The following CEP350 variants were observed in gnomAD, a reference collection of about 807,000 sequenced individuals.
CEP350 encodes the protein centrosomal protein 350.
A neutral mutation model predicts 331.8 loss-of-function variants in CEP350; 126 were observed. The ratio of observed to expected loss-of-function variants is 0.38; its 90% CI spans 0.33 to 0.44. The LOEUF is 0.44. CEP350 is among the 20% of genes least tolerant of loss of function. The pLI is 1.00. For synonymous variants in CEP350, 1,200 were observed against 1,259.5 expected, an observed-to-expected ratio of 0.95 and a Z score of 1.00; for missense variants, 3,406 against 3,634.6, an observed-to-expected ratio of 0.94 and a Z score of 1.62.
intron 37 of CEP350, among the ~76,000 whole-genome samples, chr1:180,108,689 C>A (rs1450548444): frequency 6.6e-6 from 1 of 152,078 alleles, no homozygotes; most frequent in African/African-American, 2.4e-5. Flanking sequence ...AGAGGAACAC[C>A]AATTCCATGG....
intron 4 of CEP350, 47 bp downstream of exon 4, chr1:179,990,668 T>C (rs770596942): frequency 1.9e-6 from 2 of 1,073,520 alleles, no homozygotes; most frequent in South Asian, 1.6e-5. Flanking sequence ...TAAATATAAA[T>C]TTTGACAAAA....
chr1:180,020,591 C>A lies in CEP350; in HGVS notation c.2817C>A (p.Ser939=). Residue 939 remains serine, a synonymous_variant, in exon 12 of 38, where the codon TCC becomes TCA. Transcript: ENST00000367607. The part of the protein sequence containing the change: ...QSAISSFRVR[S]PGPKPEGLLA... Reference sequence around the variant, plus strand: ...CCATATCAAGCTTTAGAGTGAGATCCCCTGGTCCCAAACCAGAAGGGCTAC... The same window carrying A: ...CCATATCAAGCTTTAGAGTGAGATCACCTGGTCCCAAACCAGAAGGGCTAC... 6.2e-7 allele frequency: 1 copy of A among 1,613,936 alleles called. No homozygotes were observed.
chr1:180,002,183 A>C (rs531108148), intron 6 of CEP350, among the ~76,000 whole-genome samples: 1 of 152,010 alleles, frequency 6.6e-6, no homozygotes, highest in Non-Finnish European at 1.5e-5. Flanking sequence ...TTTAGAAAAC[A>C]GTTTGGTAGA....
chr1:180,003,872 G>A (rs764080006), intron 7 of CEP350, among the ~76,000 whole-genome samples: 4 of 152,166 alleles, frequency 2.6e-5, no homozygotes, highest in Admixed American at 6.5e-5. Context: ...CATTTTCCTA[G>A]GGTTGGATAG....
intron 6 of CEP350, among the ~76,000 whole-genome samples, chr1:179,998,464 C>T (rs1338780057): frequency 6.6e-6 from 1 of 151,716 alleles, no homozygotes; most frequent in Non-Finnish European, 1.5e-5. Context: ...CACCACCATG[C>T]CCAGCTAATT....
At chr1:180,009,717 A>G (rs1197952077) in intron 8 of CEP350, among the ~76,000 whole-genome samples, 2 of 152,226 alleles carry the variant, frequency 1.3e-5, no homozygotes, top group Non-Finnish European at 2.9e-5. Context: ...CTCATTTTAC[A>G]TAAGAACATC....
chr1:180,063,925 T>A (rs1168822840), intron 26 of CEP350, among the ~76,000 whole-genome samples: 1 of 152,158 alleles, frequency 6.6e-6, no homozygotes, highest in Non-Finnish European at 1.5e-5. Context: ...TTTGAAAAAA[T>A]CTCAAACTTA....
intron 1 of CEP350, among the ~76,000 whole-genome samples, chr1:179,971,492 T>TA (rs1418518815): frequency 3.4e-5 from 5 of 148,476 alleles, no homozygotes; most frequent in Non-Finnish European, 4.5e-5. Flanking sequence ...CCTGGCTAAT[T>TA]AAAAATTTTT....
At chr1:180,080,440 G>A (rs916324775) in intron 29 of CEP350, 77 bp from the exon 30 acceptor site, 11 of 1,238,020 alleles carry the variant, frequency 8.9e-6, no homozygotes, top group South Asian at 1.3e-5. Flanking sequence ...TCTTTATATG[G>A]CTAGTATGTC....
chr1:180,043,939 T>C (rs961066785), intron 20 of CEP350, 112 bp from the exon 21 acceptor site: 42 of 929,352 alleles, frequency 4.5e-5, no homozygotes, highest in Non-Finnish European at 6.0e-5. Context: ...GTAAGTTATT[T>C]TATAATATCT....
At position 180,044,825 on chromosome 1, in the gene CEP350, A is replaced by G. The variant is rs1220437344; in HGVS notation, c.4622+652A>G. Among the ~76,000 whole-genome samples, 4 of 151,730 alleles carry G rather than the reference A, an allele frequency of 2.6e-5. No individual in the cohort carries two copies. The South Asian group carries it at 8.3e-4, about 32-fold the overall frequency. On this transcript the variant is annotated intron_variant, in intron 21 of 37. Coordinates refer to ENST00000367607, the MANE Select transcript of CEP350 (RefSeq NM_014810.5). ...ACATGTACCCTAAAACTTAAAGTAT[A>G]ATAATAATAAAATTTAAAAAAAAAG...
intron 8 of CEP350, among the ~76,000 whole-genome samples, chr1:180,011,210 G>T (rs1170884218): frequency 6.6e-6 from 1 of 151,962 alleles, no homozygotes; most frequent in African/African-American, 2.4e-5. Context: ...TGTACTTTTG[G>T]TACATATCTG....
At chr1:180,037,207 A>G (rs1297011803) in intron 17 of CEP350, 118 bp downstream of exon 17, 2 of 793,924 alleles carry the variant, frequency 2.5e-6, no homozygotes, top group East Asian at 3.2e-5. Flanking sequence ...GCCATATAGC[A>G]CCTATAAATA....
At chr1:180,024,827 G>A (rs1330137696) in intron 14 of CEP350, among the ~76,000 whole-genome samples, 1 of 146,840 alleles carries the variant, frequency 6.8e-6, no homozygotes, top group Non-Finnish European at 1.5e-5. Flanking sequence ...ACTCTTCAAA[G>A]AAAGACAAAT....
chr1:180,080,888 CTCACTGTG>C (rs1322402470), intron 30 of CEP350, among the ~76,000 whole-genome samples: 1 of 152,096 alleles, frequency 6.6e-6, no homozygotes, highest in Non-Finnish European at 1.5e-5. Flanking sequence ...AAGACAGAGT[CTCACTGTG>C]TCACTCAGGC....
At chr1:180,031,065 T>C (rs1412133211) in intron 14 of CEP350, among the ~76,000 whole-genome samples, 1 of 152,044 alleles carries the variant, frequency 6.6e-6, no homozygotes, top group African/African-American at 2.4e-5. Flanking sequence ...ATTTATCTTT[T>C]ATTACTATTG....
intron 1 of CEP350, chr1:179,969,592 C>T (rs1212818533): frequency 6.3e-6 from 2 of 315,760 alleles, no homozygotes; most frequent in Admixed American, 4.0e-5. Flanking sequence ...AAGACAAAAA[C>T]AAATTATTTC....
In CEP350 at chr1:180,034,047, G is replaced by T. The variant is rs113205869; in HGVS notation, c.3911G>T (p.Ser1304Ile). 1.9e-6 allele frequency: 3 copies of T among 1,613,792 alleles called. No homozygotes were observed. Among genetic ancestry groups the T allele is most frequent in the Non-Finnish European group, 2.5e-6 (3 of 1,179,754 alleles). Residue 1304 changes from serine (S) to isoleucine (I), a missense_variant, in exon 16 of 38, where the codon AGC becomes ATC. Physicochemically the swap from Ser to Ile is moderately radical, Grantham distance 142. Coordinates refer to ENST00000367607, the MANE Select transcript of CEP350 (RefSeq NM_014810.5). ...APLTDLNPAA[S>I]RTTTENMAPI... ...CTCACTGATCTGAACCCGGCAGCCA[G>T]CAGAACAACGACAGAGAACATGGCT...
rs1349097534 is a variant in CEP350 at position 179,996,541 on chromosome 1, T to A, written c.396-12T>A. The A allele has an allele frequency of 6.6e-7, 1 of 1,520,464 alleles. No homozygotes were observed. The highest frequency in any genetic ancestry group is 1.2e-5 in the South Asian group (1 of 80,814). The allele number at this position is 1,520,464 out of a possible 1,614,324, so 94.2% of individuals were successfully genotyped here. On this transcript the variant is annotated splice_polypyrimidine_tract_variant and intron_variant, in intron 5 of 37. Transcript: ENST00000367607. ...TAATCATAGTCACAGAGCTTATTAT[T>A]TTTTATTGTAGGGAAATCCATGGTG...
Sources: allele counts gnomAD v4.1 joint callset (sites outside exome capture counted in the v4.1 genomes callset), GRCh38; gene constraint gnomAD v4.1.1; transcripts MANE v1.5; gene names NCBI Gene and HGNC (gene_info 2026-07-23, HGNC 2026-07-21).